Variants in ADCY8 observed in about 807,000 individuals in gnomAD.
ADCY8 encodes adenylate cyclase type 8.
In ADCY8, 51 loss-of-function variants were observed where a neutral mutation model predicts 119.7. That is an observed-to-expected ratio of 0.43 (90% CI 0.34 to 0.54). The LOEUF (loss-of-function observed/expected upper bound fraction) is 0.54, where lower values mean the gene tolerates loss of function less well. Ranked by LOEUF, ADCY8 falls within the 20% of genes least tolerant of loss-of-function variation. ADCY8 has a pLI of 0.03. For synonymous variants in ADCY8, 665 were observed against 651.0 expected, an observed-to-expected ratio of 1.02 and a Z score of -0.33; for missense variants, 1,383 against 1,598.8, an observed-to-expected ratio of 0.87 and a Z score of 2.30.
At position 130,956,797 on chromosome 8, in the gene ADCY8, G is replaced by A. The variant is rs568409503; in HGVS notation, c.1111-4799C>T. Among the ~76,000 whole-genome samples the A allele has an allele frequency of 5.3e-5, 8 of 152,210 alleles. No individual in the cohort carries two copies. In the South Asian group the frequency reaches 1.5e-3, roughly 28 times the overall value. On this transcript the variant is annotated intron_variant, in intron 2 of 17. Transcript: ENST00000286355. Reference sequence around the variant, plus strand: ...CTCACTAGATTTGATGGTTTGATAAGGAAAAATCCTTTCACTTGGCTCTCA... The same window carrying A: ...CTCACTAGATTTGATGGTTTGATAAAGAAAAATCCTTTCACTTGGCTCTCA...
intron 1 of ADCY8, among the ~76,000 whole-genome samples, chr8:131,024,429 T>C (rs1823764485): frequency 6.6e-6 from 1 of 152,188 alleles, no homozygotes; most frequent in Non-Finnish European, 1.5e-5. Flanking sequence ...ATTAAGTGAG[T>C]TCCTTCAGGC....
chr8:131,010,541 G>A (rs1376837157), intron 1 of ADCY8, among the ~76,000 whole-genome samples: 1 of 152,016 alleles, frequency 6.6e-6, no homozygotes, highest in South Asian at 2.1e-4. Flanking sequence ...AAGAGAGAGA[G>A]AAAAACAGAT....
At chr8:130,852,233 C>T (rs1225612113) in intron 9 of ADCY8, among the ~76,000 whole-genome samples, 1 of 152,274 alleles carries the variant, frequency 6.6e-6, no homozygotes, top group East Asian at 1.9e-4. Context: ...CTCCCACAGC[C>T]TCAGCTATTG....
intron 2 of ADCY8, 76 bp from the exon 3 acceptor site, chr8:130,952,074 T>A (rs1444532145): frequency 6.4e-7 from 1 of 1,555,282 alleles, no homozygotes; most frequent in African/African-American, 1.4e-5. Context: ...GGTGGAGAAG[T>A]CATGGGGCTT....
chr8:130,834,230 C>T (rs145874452), intron 12 of ADCY8, among the ~76,000 whole-genome samples: 75 of 151,930 alleles, frequency 4.9e-4, no homozygotes, highest in Non-Finnish European at 8.1e-4. Flanking sequence ...GATGAATAAC[C>T]CAACAGAAAA....
At chr8:130,874,460 A>C (rs1157012481) in intron 8 of ADCY8, among the ~76,000 whole-genome samples, 1 of 152,186 alleles carries the variant, frequency 6.6e-6, no homozygotes, top group Non-Finnish European at 1.5e-5. Flanking sequence ...CTACACCAAT[A>C]AAATTATTAT....
intron 13 of ADCY8, among the ~76,000 whole-genome samples, chr8:130,817,242 G>C (rs1816375990): frequency 6.6e-6 from 1 of 152,198 alleles, no homozygotes; most frequent in Non-Finnish European, 1.5e-5. Context: ...ATACAAGATT[G>C]ATGAAGTTAA....
chr8:131,024,993 G>A (rs1350630126), intron 1 of ADCY8, among the ~76,000 whole-genome samples: 1 of 152,134 alleles, frequency 6.6e-6, no homozygotes, highest in Non-Finnish European at 1.5e-5. Flanking sequence ...AAATTTTTGA[G>A]AGCTGTAAGG....
At position 130,798,412 on chromosome 8, in the gene ADCY8, A is replaced by G. The variant is rs1815655193; in HGVS notation, c.3060+2014T>C. On this transcript the variant is annotated intron_variant, in intron 15 of 17. Coordinates refer to ENST00000286355, the MANE Select transcript of ADCY8 (RefSeq NM_001115.3). The stretch of plus-strand genomic sequence containing the variant: ...GAGTCGAGGGAGAGAGGATGGGGTA[A>G]GGGCGAGGATGGCATGGCCTCCAGG... 1.3e-5 allele frequency among the ~76,000 whole-genome samples: 2 copies of G among 152,192 alleles called. 1 individual carries two copies. Among genetic ancestry groups the G allele is most frequent in the South Asian group, 4.1e-4 (2 of 4,828 alleles).
intron 12 of ADCY8, among the ~76,000 whole-genome samples, chr8:130,827,709 C>T (rs1282029767): frequency 6.6e-6 from 1 of 152,158 alleles, no homozygotes; most frequent in Non-Finnish European, 1.5e-5. Flanking sequence ...GTGTCTACCC[C>T]AGACAATGTA....
At chr8:130,950,612 G>A (rs1821241140) in intron 3 of ADCY8, among the ~76,000 whole-genome samples, 1 of 152,208 alleles carries the variant, frequency 6.6e-6, no homozygotes, top group Admixed American at 6.5e-5. Flanking sequence ...TCACTCTGTG[G>A]CCTTGCTTCA....
rs983699872 is a variant in ADCY8, at chr8:131,028,639, A to G, written c.960+10735T>C. Among the ~76,000 whole-genome samples the G allele has an allele frequency of 3.3e-5, 5 of 152,354 alleles. No individual in the cohort carries two copies. In the East Asian group the frequency reaches 9.6e-4, roughly 29 times the overall value. On this transcript the variant is annotated intron_variant, in intron 1 of 17. Coordinates refer to ENST00000286355, the MANE Select transcript of ADCY8 (RefSeq NM_001115.3). ...ATTGCTTTGAGTTCCATTCTCTAAA[A>G]TCTGACTTTGGTTTGCTTTTTAGAA...
intron 3 of ADCY8, 96 bp downstream of exon 3, chr8:130,951,772 G>C: frequency 6.8e-7 from 1 of 1,470,954 alleles, no homozygotes; most frequent in Non-Finnish European, 9.3e-7. Context: ...GAAAGGTGCT[G>C]ACATTCAAGC....
chr8:130,907,349 G>T (rs192041237), intron 6 of ADCY8, among the ~76,000 whole-genome samples: 3 of 151,546 alleles, frequency 2.0e-5, no homozygotes, highest in African/African-American at 4.8e-5. Context: ...TGTTAAAGAA[G>T]AAGACAATAA....
chr8:130,993,936 T>A (rs569922539), intron 1 of ADCY8, among the ~76,000 whole-genome samples: 29 of 152,342 alleles, frequency 1.9e-4, no homozygotes, highest in African/African-American at 6.7e-4. Context: ...CCTCAGCAAA[T>A]TTTGAAAACC....
intron 1 of ADCY8, among the ~76,000 whole-genome samples, chr8:131,027,513 G>A (rs112118913): frequency 2.6e-5 from 4 of 152,302 alleles, no homozygotes; most frequent in African/African-American, 9.6e-5. Flanking sequence ...GATGAATCTT[G>A]GGGGTGGGGC....
At chr8:130,950,712 A>AT (rs1319494636) in intron 3 of ADCY8, among the ~76,000 whole-genome samples, 1 of 152,046 alleles carries the variant, frequency 6.6e-6, no homozygotes, top group East Asian at 1.9e-4. Flanking sequence ...TATTATTATT[A>AT]TTTTTTGAGA....
chr8:130,927,740 T>C (rs974849790), intron 5 of ADCY8, among the ~76,000 whole-genome samples: 6 of 152,150 alleles, frequency 3.9e-5, no homozygotes, highest in African/African-American at 1.4e-4. Context: ...AATCATGTCA[T>C]CTGCAAACAG....
At chr8:131,008,623 A>T (rs940802024) in intron 1 of ADCY8, among the ~76,000 whole-genome samples, 1 of 152,180 alleles carries the variant, frequency 6.6e-6, no homozygotes, top group African/African-American at 2.4e-5. Flanking sequence ...AATACAATAA[A>T]TTGGTACCAG....
Sources: gnomAD v4.1 joint callset for allele counts (sites outside exome capture counted in the v4.1 genomes callset) on GRCh38, gnomAD v4.1.1 for gene constraint, MANE v1.5 for transcripts, NCBI Gene and HGNC (gene_info 2026-07-23, HGNC 2026-07-21) for gene names.